BANP: variants seen among roughly 807,000 people sequenced by gnomAD.
The protein encoded by BANP is BTG3 associated nuclear protein.
BANP carries 11 observed loss-of-function variants against 68.1 expected under a neutral mutation model. That is an observed-to-expected ratio of 0.16 (90% CI 0.10 to 0.27). BANP has a LOEUF of 0.27. BANP is among the 10% of genes least tolerant of loss of function. The pLI is 1.00. For synonymous variants in BANP, 329 were observed against 303.2 expected, an observed-to-expected ratio of 1.09 and a Z score of -0.88; for missense variants, 504 against 722.7, an observed-to-expected ratio of 0.70 and a Z score of 3.47.
At chr16:88,067,467 C>T (rs1162864309) in intron 12 of BANP, among the ~76,000 whole-genome samples, 1 of 152,158 alleles carries the variant, frequency 6.6e-6, no homozygotes, top group Non-Finnish European at 1.5e-5. Flanking sequence ...GAGACGGGAC[C>T]CAGGGGCTTG....
intron 10 of BANP, 120 bp downstream of exon 10, chr16:88,035,514 G>C (rs2079120679): frequency 3.3e-6 from 3 of 922,746 alleles, no homozygotes; most frequent in East Asian, 5.4e-5. Flanking sequence ...ACGTGGGCAA[G>C]GGCTGCAGGA....
chr16:88,071,834 G>C lies in BANP; in HGVS notation c.1378-235G>C, dbSNP rs1458500886. 1.4e-6 allele frequency: 1 copy of C among 701,822 alleles called. No homozygotes were observed. Among genetic ancestry groups the C allele is most frequent in the African/African-American group, 1.8e-5 (1 of 57,120 alleles). 43.5% of individuals were successfully genotyped at this position (701,822 alleles called of 1,614,324 possible). ...TCTGCTCTGTAGGTGCTTGAGGGCGGAGTTGCAGATCCAGCAGAGACTCGA... is the reference window on the plus strand; with the variant it reads ...TCTGCTCTGTAGGTGCTTGAGGGCGCAGTTGCAGATCCAGCAGAGACTCGA... On this transcript the variant is annotated intron_variant, in intron 12 of 13. Coordinates refer to ENST00000682872, the MANE Select transcript of BANP (RefSeq NM_001386991.1). This position sits in a 1 kb window ranked among gnomAD's most constrained non-coding sequence, Gnocchi z 6.5.
intron 6 of BANP, among the ~76,000 whole-genome samples, chr16:88,017,938 C>T (rs550177265): frequency 1.1e-4 from 16 of 152,050 alleles, no homozygotes; most frequent in Non-Finnish European, 1.9e-4. Flanking sequence ...ATTGTGTGCA[C>T]GGGGGCGACG....
At chr16:87,985,236 A>G (rs1021923719) in intron 4 of BANP, among the ~76,000 whole-genome samples, 5 of 151,122 alleles carry the variant, frequency 3.3e-5, no homozygotes, top group African/African-American at 9.7e-5. Context: ...GCCTCTTTGA[A>G]CTCTCGGGCA....
intron 11 of BANP, among the ~76,000 whole-genome samples, chr16:88,044,083 TG>T (rs1408600510): frequency 6.6e-6 from 1 of 152,246 alleles, no homozygotes; most frequent in Non-Finnish European, 1.5e-5. Flanking sequence ...CGCATCTTGG[TG>T]CAGCTGCTTT....
chr16:88,050,455 C>T (rs904866635), intron 11 of BANP, among the ~76,000 whole-genome samples: 1 of 152,168 alleles, frequency 6.6e-6, no homozygotes, highest in Non-Finnish European at 1.5e-5. Context: ...CATGCCCAGC[C>T]GACAAGATGG....
chr16:88,047,589 C>T (rs968353768), intron 11 of BANP, among the ~76,000 whole-genome samples: 4 of 152,184 alleles, frequency 2.6e-5, no homozygotes, highest in Non-Finnish European at 4.4e-5. Context: ...AATCCAGACT[C>T]CTCCTGAACA....
chr16:88,031,136 G>T (rs1016364562), intron 8 of BANP, among the ~76,000 whole-genome samples: 11 of 152,360 alleles, frequency 7.2e-5, no homozygotes, highest in Non-Finnish European at 1.5e-4. Context: ...CAGACAGGAA[G>T]CCGCCGTGGA....
intron 1 of BANP, chr16:87,959,729 G>A (rs1158678642): frequency 1.3e-5 from 2 of 152,622 alleles, no homozygotes; most frequent in Non-Finnish European, 2.9e-5. Flanking sequence ...AGCGATGGGT[G>A]CCAGGGTACT....
At chr16:88,017,054 A>T (rs2074744603) in intron 6 of BANP, 1 of 152,248 alleles carries the variant, frequency 6.6e-6, no homozygotes, top group African/African-American at 2.4e-5. Flanking sequence ...GTATGCTAGG[A>T]GCACACGGCA....
intron 8 of BANP, among the ~76,000 whole-genome samples, chr16:88,031,044 C>A (rs999993448): frequency 3.9e-5 from 6 of 152,318 alleles, no homozygotes; most frequent in Admixed American, 2.6e-4. Flanking sequence ...TTCAGCCCAG[C>A]TGGGATTTTG....
intron 11 of BANP, among the ~76,000 whole-genome samples, chr16:88,058,378 T>C (rs985325343): frequency 2.0e-5 from 3 of 152,156 alleles, no homozygotes; most frequent in African/African-American, 7.2e-5. Context: ...TCGACTGAGC[T>C]CCTTCCTGGG....
rs561146685 is a variant in BANP, at chr16:87,957,684, C to A, written c.-69+6169C>A. On this transcript the variant is annotated intron_variant, in intron 1 of 13. Transcript: ENST00000682872. The surrounding 1 kb of genome is among the most constrained non-coding windows in gnomAD (Gnocchi z 4.3). ...CTTAATCTTTCTGAAAGTAGAAACGCGTTTGGATGGAGCCGGGAGGGAGAA... is the reference window on the plus strand; with the variant it reads ...CTTAATCTTTCTGAAAGTAGAAACGAGTTTGGATGGAGCCGGGAGGGAGAA... Among the ~76,000 whole-genome samples, 2 of 152,244 alleles carry A rather than the reference C, an allele frequency of 1.3e-5. No individual in the cohort carries two copies. The highest frequency in any genetic ancestry group is 4.8e-5 in the African/African-American group (2 of 41,454).
intron 6 of BANP, among the ~76,000 whole-genome samples, chr16:88,011,135 G>A (rs1205958088): frequency 1.3e-5 from 2 of 152,224 alleles, no homozygotes; most frequent in African/African-American, 4.8e-5. Context: ...AGGGCTGTCT[G>A]GGGAAGTGAG....
intron 4 of BANP, among the ~76,000 whole-genome samples, chr16:87,989,165 T>C (rs2065229975): frequency 6.6e-6 from 1 of 152,170 alleles, no homozygotes; most frequent in Non-Finnish European, 1.5e-5. Flanking sequence ...GTAATAAAAA[T>C]GCGAGTCACC....
At chr16:88,050,819 C>G (rs960044180) in intron 11 of BANP, among the ~76,000 whole-genome samples, 2 of 152,164 alleles carry the variant, frequency 1.3e-5, no homozygotes, top group African/African-American at 4.8e-5. Flanking sequence ...TCCCGAGTAG[C>G]TGGGACTACA....
chr16:87,983,077 CCCTT>C (rs2063594876), intron 3 of BANP, among the ~76,000 whole-genome samples: 2 of 152,122 alleles, frequency 1.3e-5, no homozygotes, highest in African/African-American at 2.4e-5. Flanking sequence ...GCCTACCTCC[CCCTT>C]CCTTCTGATG....
In BANP at chr16:88,071,158, C is replaced by T. The variant is rs777417446; in HGVS notation, c.1378-911C>T. The T allele has an allele frequency of 7.4e-5, 22 of 295,810 alleles. No homozygotes were observed. The highest frequency in any genetic ancestry group is 5.9e-4 in the South Asian group (20 of 33,876). 18.3% of individuals were successfully genotyped at this position (295,810 alleles called of 1,614,324 possible). A position where few individuals can be genotyped will look rare whatever the true frequency, so the allele number is the denominator to read the frequency against. On this transcript the variant is annotated intron_variant, in intron 12 of 13. Transcript: ENST00000682872. This position sits in a 1 kb window ranked among gnomAD's most constrained non-coding sequence, Gnocchi z 6.5. The stretch of plus-strand genomic sequence containing the variant: ...GGGCTGCTCCTCTTCCCAGGGCCAC[C>T]GGTGAGACTCTCAGTGCACAGAGTG...
intron 1 of BANP, among the ~76,000 whole-genome samples, chr16:87,974,534 T>G (rs1017269864): frequency 6.6e-6 from 1 of 151,984 alleles, no homozygotes; most frequent in Non-Finnish European, 1.5e-5. Flanking sequence ...AAACGGAGTA[T>G]GGGTTGTAGT....
Sources: gnomAD v4.1 joint callset for allele counts (sites outside exome capture counted in the v4.1 genomes callset) on GRCh38, gnomAD v4.1.1 for gene constraint, Gnocchi (gnomAD v3.1) non-coding constraint, MANE v1.5 for transcripts, NCBI Gene and HGNC (gene_info 2026-07-23, HGNC 2026-07-21) for gene names.